MEGF10: variants seen among roughly 807,000 people sequenced by gnomAD.
MEGF10 encodes multiple epidermal growth factor-like domains protein 10.
A neutral mutation model predicts 147.5 loss-of-function variants in MEGF10; 86 were observed. The ratio of observed to expected loss-of-function variants is 0.58; its 90% confidence interval spans 0.49 to 0.70. The LOEUF (loss-of-function observed/expected upper bound fraction) is 0.70, where lower values mean the gene tolerates loss of function less well. MEGF10 is among the 30% of genes least tolerant of loss of function. The pLI is 0.00. For synonymous variants in MEGF10, 478 were observed against 525.5 expected (o/e 0.91, Z 1.24); for missense variants, 1,329 against 1,487.3 (o/e 0.89, Z 1.75).
At chr5:127,374,454 C>T (rs1324142239) in intron 5 of MEGF10, among the ~76,000 whole-genome samples, 2 of 152,206 alleles carry the variant, frequency 1.3e-5, no homozygotes, top group Non-Finnish European at 2.9e-5. Context: ...TTGACGCATA[C>T]TCCTTTGGTT....
At chr5:127,255,865 G>T in the MEGF10 span, among the ~76,000 whole-genome samples, 1 of 152,138 alleles carries the variant, frequency 6.6e-6, no homozygotes, top group African/African-American at 2.4e-5. Flanking sequence ...CCATTTGTTG[G>T]ATTCTATGTC....
intron 1 of MEGF10, among the ~76,000 whole-genome samples, chr5:127,331,056 T>C (rs537374290): frequency 1.3e-5 from 2 of 152,278 alleles, no homozygotes; most frequent in South Asian, 4.1e-4. Flanking sequence ...CTTGTGGCAA[T>C]TGATGATGAT....
Position 127,396,549 on chromosome 5 carries a change from T to C in MEGF10, c.430T>C (p.Trp144Arg). The C allele has an allele frequency of 6.4e-7, 1 of 1,560,486 alleles. No individual in the cohort carries two copies. The highest frequency in any genetic ancestry group is 8.7e-7 in the Non-Finnish European group (1 of 1,149,944). ...AATCTCAGCCTGCGATGGTGATCAC[T>C]GGGGTCCCCACTGCACCAGCCGGTG... ...NCSSACDGDH[W>R]GPHCTSRCQC... is the part of the protein sequence containing the mutation. Residue 144 changes from tryptophan (W) to arginine (R), a missense_variant, in exon 6 of 25, where the codon TGG becomes CGG. Physicochemically the swap from Trp to Arg is moderately radical, Grantham distance 101. This residue lies in a region of MEGF10 where 980 missense variants were observed against 1,085.9 expected (regional missense o/e 0.90). Transcript: ENST00000503335.
the MEGF10 span, among the ~76,000 whole-genome samples, chr5:127,233,003 G>A: frequency 6.6e-6 from 1 of 152,196 alleles, no homozygotes; most frequent in Non-Finnish European, 1.5e-5. Context: ...TCATTTGGGT[G>A]TTCTCTCTTC....
At chr5:127,253,472 T>C in the MEGF10 span, among the ~76,000 whole-genome samples, 10 of 152,006 alleles carry the variant, frequency 6.6e-5, no homozygotes, top group Non-Finnish European at 1.5e-4. Flanking sequence ...ATAGGCTATA[T>C]AAAAGAAATG....
chr5:127,373,064 T>G (rs924953111), intron 5 of MEGF10, among the ~76,000 whole-genome samples: 1 of 152,222 alleles, frequency 6.6e-6, no homozygotes, highest in Admixed American at 6.5e-5. Context: ...TAAGAACTCA[T>G]GTATATTTAT....
At chr5:127,416,792 GGA>G (rs2126965667) in intron 9 of MEGF10, among the ~76,000 whole-genome samples, 1 of 152,252 alleles carries the variant, frequency 6.6e-6, no homozygotes, top group African/African-American at 2.4e-5. Flanking sequence ...TTAGGTAGTG[GGA>G]GAACTGGGAT....
chr5:127,293,545 T>G (rs144051744), intron 1 of MEGF10, among the ~76,000 whole-genome samples: 82 of 152,336 alleles, frequency 5.4e-4, no homozygotes, highest in Admixed American at 1.8e-3. Flanking sequence ...GAAGTCTGCA[T>G]TTTTACAAGT....
At chr5:127,397,026 C>G (rs924884516) in intron 6 of MEGF10, among the ~76,000 whole-genome samples, 2 of 152,090 alleles carry the variant, frequency 1.3e-5, no homozygotes, top group African/African-American at 4.8e-5. Context: ...TTCTAGCAGG[C>G]AAAGAGAGAG....
At chr5:127,322,549 T>A (rs1313383717) in intron 1 of MEGF10, among the ~76,000 whole-genome samples, 1 of 152,246 alleles carries the variant, frequency 6.6e-6, no homozygotes, top group Non-Finnish European at 1.5e-5. Flanking sequence ...AATCACATTT[T>A]ACATTGCCCA....
At chr5:127,417,539 C>T (rs1014648921) in intron 9 of MEGF10, 99 bp from the exon 10 acceptor site, 18 of 1,163,316 alleles carry the variant, frequency 1.5e-5, no homozygotes, top group Non-Finnish European at 2.0e-5. Context: ...CATGGAATTA[C>T]CCACACATTT....
At chr5:127,324,200 C>CT (rs34208116) in intron 1 of MEGF10, among the ~76,000 whole-genome samples, 84,349 of 151,714 alleles carry the variant, frequency 0.56, 23,708 homozygotes, top group Middle Eastern at 0.74. Flanking sequence ...GCTAAGAGGG[C>CT]TTTTATTTTG....
the MEGF10 span, among the ~76,000 whole-genome samples, chr5:127,262,816 C>T: frequency 6.6e-6 from 1 of 152,096 alleles, no homozygotes; most frequent in Admixed American, 6.5e-5. Context: ...TCTTTCTTCT[C>T]TTAGATTGGA....
chr5:127,308,731 G>T (rs1760126864), intron 1 of MEGF10, among the ~76,000 whole-genome samples: 1 of 151,706 alleles, frequency 6.6e-6, no homozygotes, highest in Admixed American at 6.6e-5. Flanking sequence ...GGGGAAGGGG[G>T]AGGGATAGCA....
chr5:127,447,182 GT>G (rs1456521143), intron 20 of MEGF10, among the ~76,000 whole-genome samples: 1 of 151,966 alleles, frequency 6.6e-6, no homozygotes, highest in Admixed American at 6.6e-5. Context: ...TTATTTATTT[GT>G]TTTTTTATTT....
chr5:127,388,252 A>C (rs1186610593), intron 5 of MEGF10, among the ~76,000 whole-genome samples: 2 of 151,654 alleles, frequency 1.3e-5, no homozygotes, highest in African/African-American at 4.8e-5. Flanking sequence ...GGACTCAAGC[A>C]ATCCTTCCTC....
chr5:127,286,006 A>G (rs1250095773), upstream of MEGF10, among the ~76,000 whole-genome samples: 1 of 152,172 alleles, frequency 6.6e-6, no homozygotes, highest in Non-Finnish European at 1.5e-5. Context: ...TGTTATTTGC[A>G]GCAACATGGA....
At chr5:127,369,089 A>C (rs1299014477) in intron 4 of MEGF10, among the ~76,000 whole-genome samples, 1 of 152,154 alleles carries the variant, frequency 6.6e-6, no homozygotes, top group African/African-American at 2.4e-5. Flanking sequence ...CCCTTAAATA[A>C]AATTTTAGAA....
At chr5:127,363,773 GTAT>G (rs956016678) in intron 4 of MEGF10, among the ~76,000 whole-genome samples, 1 of 152,066 alleles carries the variant, frequency 6.6e-6, no homozygotes, top group African/African-American at 2.4e-5. Flanking sequence ...CAAAGTTTTT[GTAT>G]TATTATTATT....
Sources: gnomAD v4.1 joint callset for allele counts (sites outside exome capture counted in the v4.1 genomes callset) on GRCh38, gnomAD v4.1.1 for gene constraint, gnomAD v4.1.1 regional missense constraint, MANE v1.5 for transcripts, NCBI Gene and HGNC (gene_info 2026-07-23, HGNC 2026-07-21) for gene names.